DIAPH2: variants seen among roughly 807,000 people sequenced by gnomAD.
DIAPH2 encodes diaphanous related formin 2.
Under a neutral mutation model 92.7 loss-of-function variants are expected in DIAPH2, and 35 were observed. That is an observed-to-expected ratio of 0.38 (90% CI 0.29 to 0.50). The LOEUF is 0.50. DIAPH2 is among the 20% of genes least tolerant of loss of function. The pLI, the probability that DIAPH2 is intolerant of heterozygous loss-of-function variation, is 0.94. For missense variants in DIAPH2, 701 were observed against 819.5 expected (o/e 0.86, Z 1.77); for synonymous variants, 301 against 280.4 (o/e 1.07, Z -0.73).
At chrX:96,809,828 C>T (rs2064661506) in intron 4 of DIAPH2, among the ~76,000 whole-genome samples, 1 of 111,724 alleles carries the variant, frequency 9.0e-6, no homozygotes, top group African/African-American at 3.3e-5. Flanking sequence ...TCATCCATGT[C>T]CCTGCAAAGA....
intron 26 of DIAPH2, among the ~76,000 whole-genome samples, chrX:97,480,239 G>GT (rs768729493): frequency 9.0e-6 from 1 of 111,707 alleles, no homozygotes; most frequent in Non-Finnish European, 1.9e-5. Context: ...AGAATGCCAC[G>GT]TAACTGTGGA....
At chrX:97,047,542 CTTTTTTT>C (rs5903064) in intron 17 of DIAPH2, among the ~76,000 whole-genome samples, 37 of 30,103 alleles carry the variant, frequency 1.2e-3, no homozygotes, top group African/African-American at 5.6e-3. Context: ...ATAAAATAGG[CTTTTTTT>C]TTTTTTTTTT....
intron 17 of DIAPH2, among the ~76,000 whole-genome samples, chrX:97,064,447 A>C (rs2066620537): frequency 9.2e-6 from 1 of 108,865 alleles, no homozygotes; most frequent in African/African-American, 3.4e-5. Flanking sequence ...CAACCCTCTC[A>C]CTCCAGTTCT....
At chrX:97,355,831 G>A (rs180887367) in intron 24 of DIAPH2, among the ~76,000 whole-genome samples, 135 of 111,398 alleles carry the variant, frequency 1.2e-3, no homozygotes, top group African/African-American at 4.3e-3. Context: ...TGCTGAAAAC[G>A]TCATCTGTAG....
intron 22 of DIAPH2, among the ~76,000 whole-genome samples, chrX:97,199,817 C>A (rs769088274): frequency 8.9e-6 from 1 of 111,825 alleles, no homozygotes; most frequent in African/African-American, 3.2e-5. Context: ...ATGAAGAAAT[C>A]AGAATATTTG....
At chrX:96,702,083 T>A (rs1025405210) in intron 1 of DIAPH2, among the ~76,000 whole-genome samples, 2 of 112,343 alleles carry the variant, frequency 1.8e-5, no homozygotes, top group African/African-American at 6.5e-5. Context: ...TACATAAATA[T>A]GTTTTATTTT....
At chrX:97,242,373 T>A (rs1427642719) in intron 22 of DIAPH2, among the ~76,000 whole-genome samples, 1 of 110,133 alleles carries the variant, frequency 9.1e-6, no homozygotes, top group Non-Finnish European at 1.9e-5. Context: ...GCTCTTTTTT[T>A]TTTTTCTTGA....
intron 23 of DIAPH2, among the ~76,000 whole-genome samples, chrX:97,281,613 G>A (rs1172144445): frequency 1.8e-5 from 2 of 109,526 alleles, no homozygotes; most frequent in Non-Finnish European, 1.9e-5. Flanking sequence ...GCGTGGCAAC[G>A]GCCGCCTGTA....
intron 4 of DIAPH2, among the ~76,000 whole-genome samples, chrX:96,775,747 T>A (rs1435928012): frequency 9.0e-6 from 1 of 110,979 alleles, no homozygotes; most frequent in Non-Finnish European, 1.9e-5. Flanking sequence ...GGCTAAGTGA[T>A]TGGGGGTAAA....
In DIAPH2 at chrX:96,728,934, G is replaced by A. The variant is rs1241858699; in HGVS notation, c.133-6824G>A. Reference sequence around the variant, plus strand: ...TTTATTTTGCCAAGGTTGACAATGCGCTTGTGACACAGCCTCAGGAAGTCC... The same window carrying A: ...TTTATTTTGCCAAGGTTGACAATGCACTTGTGACACAGCCTCAGGAAGTCC... On this transcript the variant is annotated intron_variant, in intron 1 of 26. Transcript: ENST00000324765. Among the ~76,000 whole-genome samples the A allele has an allele frequency of 6.2e-5, 7 of 112,365 alleles. No individual in the cohort carries two copies. In the East Asian group the frequency reaches 2.0e-3, roughly 31 times the overall value.
In DIAPH2 at chrX:96,860,930, T is replaced by C. The variant is rs935718809; in HGVS notation, c.448-20649T>C. Reference sequence around the variant, plus strand: ...GTCTGGTGGGATTTTTAATGACTTATAAAAAATTCTCCCCGGACTTTATGG... The same window carrying C: ...GTCTGGTGGGATTTTTAATGACTTACAAAAAATTCTCCCCGGACTTTATGG... On this transcript the variant is annotated intron_variant, in intron 4 of 26. Transcript: ENST00000324765. Among the ~76,000 whole-genome samples, 24 of 111,960 alleles carry C rather than the reference T, an allele frequency of 2.1e-4. No individual in the cohort carries two copies. The Admixed American group carries it at 2.3e-3, about 11-fold the overall frequency.
intron 19 of DIAPH2, among the ~76,000 whole-genome samples, chrX:97,086,836 T>C (rs957683587): frequency 9.0e-6 from 1 of 111,604 alleles, no homozygotes; most frequent in South Asian, 3.8e-4. Flanking sequence ...CATAAGATGC[T>C]CAATTTATTG....
chrX:96,946,942 T>C (rs754354156), intron 14 of DIAPH2, among the ~76,000 whole-genome samples: 4 of 111,931 alleles, frequency 3.6e-5, no homozygotes, highest in African/African-American at 1.3e-4. Context: ...CCCCTTGTTC[T>C]GGGTCATTTT....
chrX:97,212,608 T>C (rs763136626), intron 22 of DIAPH2, among the ~76,000 whole-genome samples: 97 of 89,392 alleles, frequency 1.1e-3, no homozygotes, highest in African/African-American at 3.3e-3. Flanking sequence ...TTTTTTTTTT[T>C]CAAATTGTGG....
chrX:97,413,755 AACAG>A (rs1211440942), intron 25 of DIAPH2, among the ~76,000 whole-genome samples: 3 of 111,772 alleles, frequency 2.7e-5, no homozygotes, highest in Non-Finnish European at 5.6e-5. Context: ...ATACACAAAT[AACAG>A]ACAAACAGAG....
intron 4 of DIAPH2, among the ~76,000 whole-genome samples, chrX:96,829,715 G>C (rs866546967): frequency 5.4e-5 from 6 of 110,402 alleles, no homozygotes; most frequent in African/African-American, 2.0e-4. Flanking sequence ...GGCTGGTCTC[G>C]AACTCCTGAC....
chrX:97,359,609 C>T lies in DIAPH2; in HGVS notation c.3009+11329C>T, dbSNP rs371060179. Reference sequence around the variant, plus strand: ...TTTTTTTTTTTATGATACAGAGTCTCGCTCTGTTGCCCAGGCTGTAGTGAA... The same window carrying T: ...TTTTTTTTTTTATGATACAGAGTCTTGCTCTGTTGCCCAGGCTGTAGTGAA... On this transcript the variant is annotated intron_variant, in intron 24 of 26. Transcript: ENST00000324765. Among the ~76,000 whole-genome samples the T allele has an allele frequency of 2.4e-4, 22 of 91,905 alleles. No homozygotes were observed. The East Asian group carries it at 4.1e-3, about 17-fold the overall frequency. The allele number at this position is 91,905 out of a possible 115,157, so 79.8% of individuals were successfully genotyped here. A position where few individuals can be genotyped will look rare whatever the true frequency, so the allele number is the denominator to read the frequency against.
chrX:96,791,176 A>C (rs1437019857), intron 4 of DIAPH2, among the ~76,000 whole-genome samples: 1 of 111,872 alleles, frequency 8.9e-6, no homozygotes, highest in Non-Finnish European at 1.9e-5. Flanking sequence ...TATGGGTACA[A>C]CAACAGAGAA....
chrX:97,035,028 C>T (rs1354709592), intron 17 of DIAPH2, among the ~76,000 whole-genome samples: 2 of 111,903 alleles, frequency 1.8e-5, no homozygotes, highest in African/African-American at 6.5e-5. Flanking sequence ...TACAACACTA[C>T]CACAGCTTTG....
Sources: gnomAD v4.1 joint callset for allele counts (sites outside exome capture counted in the v4.1 genomes callset) on GRCh38, gnomAD v4.1.1 for gene constraint, MANE v1.5 for transcripts, NCBI Gene and HGNC (gene_info 2026-07-23, HGNC 2026-07-21) for gene names.